SLU7: variants seen among roughly 807,000 people sequenced by gnomAD.
The protein encoded by SLU7 is spliceosome associated SLU7.
A neutral mutation model predicts 87.0 loss-of-function variants in SLU7; 60 were observed. The observed-to-expected ratio is 0.69, with a 90% CI of 0.56 to 0.86. The LOEUF is 0.86. Among genes scored for constraint, SLU7 ranks in the 40% least tolerant of loss-of-function variants. SLU7 has a pLI of 0.00. For synonymous variants in SLU7, 197 were observed against 222.0 expected, an observed-to-expected ratio of 0.89 and a Z score of 1.00; for missense variants, 507 against 686.6, an observed-to-expected ratio of 0.74 and a Z score of 2.92.
Position 160,408,895 on chromosome 5 carries a change from A to G in SLU7, c.640-198T>C, listed in dbSNP as rs1765123261. 1.4e-5 allele frequency among the ~76,000 whole-genome samples: 2 copies of G among 147,876 alleles called. 1 individual carries two copies. The highest frequency in any genetic ancestry group is 4.2e-4 in the South Asian group (2 of 4,802). On this transcript the variant is annotated intron_variant, in intron 6 of 15. Coordinates refer to ENST00000297151, the MANE Select transcript of SLU7 (RefSeq NM_006425.5). ...AATATATAATATGTAACTTATAAAT[A>G]AGTATTAAGATAATAAAACTTAATT...
intron 3 of SLU7, 56 bp from the exon 4 acceptor site, chr5:160,414,035 A>G: frequency 9.2e-7 from 1 of 1,088,820 alleles, no homozygotes. Flanking sequence ...GTTAGAAATA[A>G]CTTTGACTCT....
rs1346807205 is a variant in SLU7, at chr5:160,407,282, G to C, written c.1125+194C>G. 6.6e-6 allele frequency among the ~76,000 whole-genome samples: 1 copy of C among 151,260 alleles called. No individual in the cohort carries two copies. The highest frequency in any genetic ancestry group is 1.5e-5 in the Non-Finnish European group (1 of 67,936). On this transcript the variant is annotated intron_variant, in intron 11 of 15. Transcript: ENST00000297151. This position sits in a 1 kb window ranked among gnomAD's most constrained non-coding sequence, Gnocchi z 4.2. ...ATAAATGTTTATTTTAAGCTATTAA[G>C]ATTTGAGGTAGCTTGTTTTGCTGCA...
At chr5:160,406,954 G>A (rs78398348) in intron 11 of SLU7, among the ~76,000 whole-genome samples, 2 of 152,294 alleles carry the variant, frequency 1.3e-5, no homozygotes, top group African/African-American at 2.4e-5. Context: ...ATCTGGGCCT[G>A]ACCATGTTAT....
intron 6 of SLU7, among the ~76,000 whole-genome samples, chr5:160,411,945 CT>C (rs1189797567): frequency 6.6e-6 from 1 of 152,072 alleles, no homozygotes; most frequent in African/African-American, 2.4e-5. Context: ...GTGTTCTGGT[CT>C]TTTTTTCTGT....
intron 6 of SLU7, among the ~76,000 whole-genome samples, chr5:160,412,114 C>T (rs2910189): frequency 0.86 from 130,276 of 152,238 alleles, 56,210 homozygotes; most frequent in African/African-American, 0.93. Context: ...TTAAGCTATT[C>T]CAATTTCTTT....
At chr5:160,406,690 A>G in intron 11 of SLU7, 61 bp from the exon 12 acceptor site, 1 of 1,252,372 alleles carries the variant, frequency 8.0e-7, no homozygotes, top group Non-Finnish European at 1.1e-6. Flanking sequence ...TTAAATTTCC[A>G]GAAAACATTT....
Position 160,413,573 on chromosome 5 carries a change from T to A in SLU7, c.453A>T (p.Pro151=), listed in dbSNP as rs766606817. ...TCAGTTGAGGCTGGACATGTTCATC[T>A]GGAGCTATATTAGTACCTGTAAATT... The part of the protein sequence containing the change: ...GAKFTGTNIA[P]DEHVQPQLMF... The change falls in exon 5 of 16, where the codon CCA becomes CCT. Residue 151 remains proline (P), a synonymous_variant. Coordinates refer to ENST00000297151, the MANE Select transcript of SLU7 (RefSeq NM_006425.5). The A allele has an allele frequency of 6.2e-7, 1 of 1,613,984 alleles. No individual in the cohort carries two copies. The highest frequency in any genetic ancestry group is 8.5e-7 in the Non-Finnish European group (1 of 1,179,884).
rs1286525699 is a variant in SLU7 at position 160,407,383 on chromosome 5, CTT to C, written c.1125+91_1125+92del. ...ATTCTTCATGGATTAAGAGGGCTCT[CTT>C]TGCATTATTTTCCAAATGTAAAACT... On this transcript the variant is annotated intron_variant, in intron 11 of 15. Coordinates refer to ENST00000297151, the MANE Select transcript of SLU7 (RefSeq NM_006425.5). The surrounding 1 kb of genome is among the most constrained non-coding windows in gnomAD (Gnocchi z 4.2). 15 of 1,110,118 alleles carry C rather than the reference CTT, an allele frequency of 1.4e-5. No homozygotes were observed. The highest frequency in any genetic ancestry group is 2.6e-5 in the Admixed American group (1 of 38,716). 68.8% of individuals were successfully genotyped at this position (1,110,118 alleles called of 1,614,324 possible).
At position 160,415,287 on chromosome 5, in the gene SLU7, G is replaced by A; in HGVS notation, c.8C>T (p.Ala3Val). Residue 3 changes from alanine (A) to valine (V), a missense_variant, in exon 2 of 16, where the codon GCC (alanine) becomes GTC (valine). This residue lies in a region of SLU7 where 33 missense variants were observed against 37.3 expected (regional missense o/e 0.88). Coordinates refer to ENST00000297151, the MANE Select transcript of SLU7 (RefSeq NM_006425.5). ...AGCATTAACTGCATCTACAACTGTGGCTGACATGGTTATCTGGCCTCCTCT... is the reference window on the plus strand; with the variant it reads ...AGCATTAACTGCATCTACAACTGTGACTGACATGGTTATCTGGCCTCCTCT... Reference protein sequence around the residue: MSATVVDAVNAAP... With the variant: MSVTVVDAVNAAP... The A allele has an allele frequency of 6.4e-7, 1 of 1,573,696 alleles. No homozygotes were observed. Among genetic ancestry groups the A allele is most frequent in the South Asian group, 1.2e-5 (1 of 82,994 alleles).
chr5:160,407,670 T>C lies in SLU7; in HGVS notation c.986-55A>G. The stretch of plus-strand genomic sequence containing the variant: ...TGGCAGCTGCATTACTGTATGCTTC[T>C]TGAAAACAAGCTTTAAACAATCCCA... On this transcript the variant is annotated intron_variant, in intron 10 of 15. Transcript: ENST00000297151. This position sits in a 1 kb window ranked among gnomAD's most constrained non-coding sequence, Gnocchi z 4.2. The C allele has an allele frequency of 1.2e-6, 2 of 1,602,440 alleles. No homozygotes were observed. The highest frequency in any genetic ancestry group is 1.1e-5 in the South Asian group (1 of 88,712).
In SLU7 at chr5:160,406,477, G is replaced by A; in HGVS notation, c.1278C>T (p.His426=). Residue 426 remains histidine, a synonymous_variant, in exon 12 of 16, where the codon CAC becomes CAT. Transcript: ENST00000297151. ...CCAGTTTAGCACATACTGTGTGATTGTGGATCTTCACATCCTCCTCATACT... is the reference window on the plus strand; with the variant it reads ...CCAGTTTAGCACATACTGTGTGATTATGGATCTTCACATCCTCCTCATACT... The part of the protein sequence containing the change: ...CSKYEEDVKI[H]NHTHIWGSYW... The A allele has an allele frequency of 6.2e-7, 1 of 1,608,744 alleles. No individual in the cohort carries two copies. Among genetic ancestry groups the A allele is most frequent in the Non-Finnish European group, 8.5e-7 (1 of 1,178,264 alleles).
At position 160,404,891 on chromosome 5, in the gene SLU7, T is replaced by C; in HGVS notation, c.1393-11A>G. On this transcript the variant is annotated splice_polypyrimidine_tract_variant and intron_variant, in intron 13 of 15. Transcript: ENST00000297151. ...ACACTCCTCAGAGTTCTGTGGGAAA[T>C]ACATGTAATTTGAGTTGAGTGTCAT... 4.4e-6 allele frequency: 7 copies of C among 1,592,816 alleles called. No individual in the cohort carries two copies. The highest frequency in any genetic ancestry group is 6.0e-6 in the Non-Finnish European group (7 of 1,160,850).
intron 12 of SLU7, among the ~76,000 whole-genome samples, chr5:160,405,865 G>C (rs1188042933): frequency 6.6e-6 from 1 of 152,018 alleles, no homozygotes; most frequent in Non-Finnish European, 1.5e-5. Context: ...AAAATGAAGA[G>C]ATACACTCTA....
In SLU7 at chr5:160,405,143, G is replaced by C. The variant is rs1764956542; in HGVS notation, c.1288-8C>G. On this transcript the variant is annotated splice_region_variant and splice_polypyrimidine_tract_variant and intron_variant, in intron 12 of 15. Coordinates refer to ENST00000297151, the MANE Select transcript of SLU7 (RefSeq NM_006425.5). The stretch of plus-strand genomic sequence containing the variant: ...GTACGATCCCCAGATATGCTGCAGA[G>C]AGAGAAATTAAAAAGCTTAAAAAGG... The C allele has an allele frequency of 1.3e-6, 2 of 1,592,552 alleles. No homozygotes were observed.
chr5:160,411,240 CTGAT>C (rs1196635796), intron 6 of SLU7, among the ~76,000 whole-genome samples: 26 of 151,874 alleles, frequency 1.7e-4, no homozygotes, highest in East Asian at 5.9e-4. Flanking sequence ...GACTGATTGA[CTGAT>C]TGATTGAGAT....
At chr5:160,414,651 T>G (rs1307775484) in intron 2 of SLU7, among the ~76,000 whole-genome samples, 179 bp from the exon 3 acceptor site, 3 of 152,078 alleles carry the variant, frequency 2.0e-5, no homozygotes, top group South Asian at 2.1e-4. Context: ...AAAGAAGTAA[T>G]TTATTTTAGA....
intron 1 of SLU7, among the ~76,000 whole-genome samples, chr5:160,418,221 C>A (rs1765538079): frequency 6.6e-6 from 1 of 152,180 alleles, no homozygotes; most frequent in Admixed American, 6.5e-5. Context: ...TTTCTCGAGC[C>A]TACCGTGTAT....
rs189060833 is a variant in SLU7, at chr5:160,402,845, C to T, written c.*440G>A. 3.1e-3 allele frequency: 478 copies of T among 152,422 alleles called. No individual in the cohort carries two copies. Among genetic ancestry groups the T allele is most frequent in the South Asian group, 4.1e-3 (20 of 4,824 alleles). The allele number at this position is 152,422 out of a possible 1,614,324, so 9.4% of individuals were successfully genotyped here. A position where few individuals can be genotyped will look rare whatever the true frequency, so the allele number is the denominator to read the frequency against. ...ATCCTGGCTAACACGATGAAACCGT[C>T]TCTACTAAAAATACAAAAAATTAGC... On this transcript the variant is annotated 3_prime_UTR_variant, in exon 16 of 16. Transcript: ENST00000297151.
intron 15 of SLU7, among the ~76,000 whole-genome samples, 176 bp from the exon 16 acceptor site, chr5:160,403,640 T>G (rs920984875): frequency 6.6e-6 from 1 of 152,232 alleles, no homozygotes; most frequent in Non-Finnish European, 1.5e-5. Context: ...AATCACTATT[T>G]GGCTTATATG....
Sources: gnomAD v4.1 joint callset for allele counts (sites outside exome capture counted in the v4.1 genomes callset) on GRCh38, gnomAD v4.1.1 for gene constraint, gnomAD v4.1.1 regional missense constraint, Gnocchi (gnomAD v3.1) non-coding constraint, MANE v1.5 for transcripts, NCBI Gene and HGNC (gene_info 2026-07-23, HGNC 2026-07-21) for gene names.